The following AGBL4 variants were observed in gnomAD, a reference collection of about 807,000 sequenced individuals.
AGBL4 encodes the protein AGBL carboxypeptidase 4, also known as cytosolic carboxypeptidase 6.
AGBL4 carries 58 observed loss-of-function variants against 66.4 expected under a neutral mutation model. The ratio of observed to expected loss-of-function variants is 0.87; its 90% CI spans 0.71 to 1.09. The LOEUF is 1.09. AGBL4 is among the 50% of genes least tolerant of loss of function. The probability of loss-of-function intolerance (pLI) is 0.00; values close to 1 mark genes in which losing one functional copy is unlikely to be tolerated. For synonymous variants in AGBL4, 234 were observed against 222.9 expected (o/e 1.05, Z -0.44); for missense variants, 579 against 631.0 (o/e 0.92, Z 0.88).
intron 2 of AGBL4, among the ~76,000 whole-genome samples, chr1:49,809,492 T>C (rs944015227): frequency 6.6e-6 from 1 of 152,086 alleles, no homozygotes; most frequent in African/African-American, 2.4e-5. Flanking sequence ...TACAGGTCTA[T>C]AAACCAAAGT....
chr1:49,440,617 T>G (rs144480314), intron 3 of AGBL4, among the ~76,000 whole-genome samples: 177 of 152,232 alleles, frequency 1.2e-3, no homozygotes, highest in African/African-American at 4.1e-3. Context: ...GATTCTAACT[T>G]CCAGCTTCAG....
chr1:49,885,560 T>C (rs1444366932), intron 1 of AGBL4, among the ~76,000 whole-genome samples: 1 of 152,050 alleles, frequency 6.6e-6, no homozygotes, highest in African/African-American at 2.4e-5. Context: ...TCACATAGTC[T>C]ACAACACAAA....
At chr1:49,353,802 A>G (rs1643962072) in intron 3 of AGBL4, among the ~76,000 whole-genome samples, 1 of 152,140 alleles carries the variant, frequency 6.6e-6, no homozygotes, top group Admixed American at 6.5e-5. Context: ...CTAAACATCA[A>G]GAGGAGTTCA....
At chr1:49,609,905 T>C (rs1214219429) in intron 3 of AGBL4, among the ~76,000 whole-genome samples, 1 of 152,184 alleles carries the variant, frequency 6.6e-6, no homozygotes, top group Admixed American at 6.5e-5. Context: ...GCTAAAGTTT[T>C]TTTTATAAAT....
At chr1:49,919,771 G>T (rs1462815641) in intron 1 of AGBL4, among the ~76,000 whole-genome samples, 3 of 152,080 alleles carry the variant, frequency 2.0e-5, no homozygotes, top group African/African-American at 4.8e-5. Context: ...AAAAGAGCCC[G>T]CATTGCCAAG....
intron 3 of AGBL4, among the ~76,000 whole-genome samples, chr1:49,574,084 G>A (rs1018552048): frequency 3.9e-5 from 6 of 152,152 alleles, no homozygotes; most frequent in African/African-American, 1.4e-4. Flanking sequence ...TTTGCTTCTA[G>A]ACCTATAACT....
chr1:48,677,759 G>A (rs1646389790), intron 6 of AGBL4, among the ~76,000 whole-genome samples: 1 of 152,208 alleles, frequency 6.6e-6, no homozygotes, highest in African/African-American at 2.4e-5. Context: ...CCAGAAGGAA[G>A]CAGAAAAGCC....
intron 2 of AGBL4, among the ~76,000 whole-genome samples, chr1:49,817,973 T>C (rs1295782585): frequency 6.6e-6 from 1 of 152,170 alleles, no homozygotes; most frequent in African/African-American, 2.4e-5. Flanking sequence ...AATCTGTGCC[T>C]GGGGTTACAG....
chr1:48,534,551 G>A (rs1382756490), intron 13 of AGBL4, among the ~76,000 whole-genome samples: 1 of 152,210 alleles, frequency 6.6e-6, no homozygotes, highest in Non-Finnish European at 1.5e-5. Flanking sequence ...GTCAGGAAGT[G>A]GTTAGTGTCA....
intron 1 of AGBL4, among the ~76,000 whole-genome samples, chr1:49,949,285 A>C (rs1227546417): frequency 2.0e-5 from 3 of 151,858 alleles, no homozygotes; most frequent in Non-Finnish European, 4.4e-5. Flanking sequence ...CATCAGAAAC[A>C]CCCTTCTAGA....
At chr1:50,022,292 A>C (rs1212976546) in intron 1 of AGBL4, among the ~76,000 whole-genome samples, 1 of 152,218 alleles carries the variant, frequency 6.6e-6, no homozygotes, top group Non-Finnish European at 1.5e-5. Flanking sequence ...CAAAGGCAAT[A>C]AATGCTATGA....
At chr1:49,115,530 A>C (rs1217692558) in intron 4 of AGBL4, among the ~76,000 whole-genome samples, 1 of 152,144 alleles carries the variant, frequency 6.6e-6, no homozygotes, top group Non-Finnish European at 1.5e-5. Context: ...CAAAGCTGTT[A>C]TCTACTCCAA....
chr1:49,639,957 A>T (rs1645749420), intron 3 of AGBL4, among the ~76,000 whole-genome samples: 1 of 152,138 alleles, frequency 6.6e-6, no homozygotes, highest in Non-Finnish European at 1.5e-5. Context: ...ACACAGTATG[A>T]AAAGATGTCA....
intron 1 of AGBL4, among the ~76,000 whole-genome samples, chr1:49,965,964 C>T (rs1203609187): frequency 3.0e-5 from 4 of 135,048 alleles, no homozygotes; most frequent in South Asian, 2.3e-4. Context: ...TTTTTTGAGA[C>T]GGAGTCTCGC....
At chr1:49,322,205 T>C (rs1292260547) in intron 3 of AGBL4, among the ~76,000 whole-genome samples, 3 of 152,218 alleles carry the variant, frequency 2.0e-5, no homozygotes, top group African/African-American at 4.8e-5. Context: ...CAGAAGCATA[T>C]GTAGAAATAA....
intron 5 of AGBL4, among the ~76,000 whole-genome samples, chr1:49,003,530 G>C (rs1379014839): frequency 6.6e-6 from 1 of 152,172 alleles, no homozygotes; most frequent in African/African-American, 2.4e-5. Flanking sequence ...AATTTAGCAT[G>C]GTACTAGGAG....
At chr1:49,709,635 G>T (rs1273189125) in intron 2 of AGBL4, among the ~76,000 whole-genome samples, 1 of 152,080 alleles carries the variant, frequency 6.6e-6, no homozygotes, top group Non-Finnish European at 1.5e-5. Context: ...CTTCTGTACG[G>T]CAAAAGAAAC....
At chr1:48,776,658 G>C in intron 6 of AGBL4, 1 of 1,493,816 alleles carries the variant, frequency 6.7e-7, no homozygotes, top group Middle Eastern at 2.1e-4. Context: ...CCCAGTCGCG[G>C]GGGGCGCGCG....
rs186728208 is a variant in AGBL4 at position 49,026,580 on chromosome 1, T to G, written c.594+19004A>C. On this transcript the variant is annotated intron_variant, in intron 5 of 13. Transcript: ENST00000371839. Reference sequence around the variant, plus strand: ...GTCATTTACTGATGCAGTTAGTCAATATACAGTCACTGAGAACCACTTTAG... The same window carrying G: ...GTCATTTACTGATGCAGTTAGTCAAGATACAGTCACTGAGAACCACTTTAG... Among the ~76,000 whole-genome samples, 171 of 152,310 alleles carry G rather than the reference T, an allele frequency of 1.1e-3. 1 individual carries two copies. Among genetic ancestry groups the G allele is most frequent in the African/African-American group, 3.9e-3 (164 of 41,570 alleles).
Sources: allele counts gnomAD v4.1 joint callset (sites outside exome capture counted in the v4.1 genomes callset), GRCh38; gene constraint gnomAD v4.1.1; transcripts MANE v1.5; gene names NCBI Gene and HGNC (gene_info 2026-07-23, HGNC 2026-07-21).